TAFA5: variants seen among roughly 807,000 people sequenced by gnomAD.
TAFA5 encodes the protein TAFA chemokine like family member 5, also known as chemokine-like protein TAFA-5.
Under a neutral mutation model 15.3 loss-of-function variants are expected in TAFA5, and 6 were observed. That is an observed-to-expected ratio of 0.39 (90% CI 0.21 to 0.77). TAFA5 has a LOEUF of 0.77. TAFA5 is among the 30% of genes least tolerant of loss of function. TAFA5 has a pLI of 0.41. For missense variants in TAFA5, 161 were observed against 193.1 expected (o/e 0.83, Z 0.98); for synonymous variants, 103 against 80.7 (o/e 1.28, Z -1.48).
At chr22:48,536,446 G>A (rs1039868484) in intron 1 of TAFA5, among the ~76,000 whole-genome samples, 1 of 152,226 alleles carries the variant, frequency 6.6e-6, no homozygotes, top group Non-Finnish European at 1.5e-5. Context: ...GGGAGCCGGC[G>A]CGGGTGGGTA....
intron 1 of TAFA5, among the ~76,000 whole-genome samples, chr22:48,634,221 CACTT>C (rs1489935578): frequency 6.6e-6 from 1 of 151,950 alleles, no homozygotes; most frequent in South Asian, 2.1e-4. Context: ...TTGACTAACT[CACTT>C]ATTCACTCAT....
At chr22:48,591,831 C>G (rs1273861717) in intron 1 of TAFA5, among the ~76,000 whole-genome samples, 1 of 152,166 alleles carries the variant, frequency 6.6e-6, no homozygotes, top group Non-Finnish European at 1.5e-5. Flanking sequence ...AGCTAGGGTC[C>G]AGCCCCTCCC....
At chr22:48,577,018 A>G (rs2147142642) in intron 1 of TAFA5, among the ~76,000 whole-genome samples, 1 of 152,068 alleles carries the variant, frequency 6.6e-6, no homozygotes, top group Middle Eastern at 3.4e-3. Flanking sequence ...CCGGGCTGGG[A>G]CCCGCGGACG....
chr22:48,545,242 A>C, intron 1 of TAFA5: 1 of 268,172 alleles, frequency 3.7e-6, no homozygotes, highest in East Asian at 8.6e-5. Flanking sequence ...CCATGCTGCC[A>C]TTTGGCGTAA....
At chr22:48,729,981 T>G (rs1929824139) in intron 3 of TAFA5, among the ~76,000 whole-genome samples, 1 of 152,116 alleles carries the variant, frequency 6.6e-6, no homozygotes, top group Non-Finnish European at 1.5e-5. Context: ...CAGCCGCCTC[T>G]GGGGATCCGT....
At chr22:48,707,087 T>C (rs1389323853) in intron 2 of TAFA5, among the ~76,000 whole-genome samples, 3 of 152,066 alleles carry the variant, frequency 2.0e-5, no homozygotes, top group Admixed American at 6.5e-5. Context: ...TCACAAGGAC[T>C]CACATCCTTT....
At chr22:48,674,664 G>T (rs192445592) in intron 2 of TAFA5, among the ~76,000 whole-genome samples, 69 of 147,270 alleles carry the variant, frequency 4.7e-4, no homozygotes, top group African/African-American at 1.6e-3. Flanking sequence ...GGCAGGGACA[G>T]TGGGAGGTCC....
At chr22:48,707,903 C>T in intron 3 of TAFA5, 59 bp downstream of exon 3, 1 of 1,569,316 alleles carries the variant, frequency 6.4e-7, no homozygotes, top group African/African-American at 1.3e-5. Flanking sequence ...GTGTGCGGGC[C>T]TCCGACGCCA....
At position 48,649,278 on chromosome 22, in the gene TAFA5, G is replaced by C. The variant is rs75239445; in HGVS notation, c.262+2532G>C. ...AGGTGGCCTTCCAGCTGAGCCACCT[G>C]TCTATCTTCCCTAGACCTAGCAGCC... is the stretch of plus-strand genomic sequence containing the variant. On this transcript the variant is annotated intron_variant, in intron 2 of 3. Transcript: ENST00000402357. 8.3e-3 allele frequency among the ~76,000 whole-genome samples: 1,268 copies of C among 152,282 alleles called. 15 individuals carry two copies. Among genetic ancestry groups the C allele is most frequent in the African/African-American group, 0.029 (1,196 of 41,556 alleles).
intron 2 of TAFA5, among the ~76,000 whole-genome samples, chr22:48,678,374 T>A (rs132218): frequency 2.0e-5 from 3 of 152,174 alleles, no homozygotes; most frequent in African/African-American, 4.8e-5. Flanking sequence ...ACTGACCCTA[T>A]GCGGGGCAAA....
At chr22:48,703,184 G>A (rs777054221) in intron 2 of TAFA5, among the ~76,000 whole-genome samples, 11 of 151,004 alleles carry the variant, frequency 7.3e-5, no homozygotes, top group Non-Finnish European at 1.0e-4. Flanking sequence ...ATGCCTTTGC[G>A]TGTGGTGTGT....
At chr22:48,633,510 CTGTCTGTCTGTCTGTCTG>C (rs1398070951) in intron 1 of TAFA5, among the ~76,000 whole-genome samples, 19 of 73,450 alleles carry the variant, frequency 2.6e-4, no homozygotes, top group African/African-American at 8.7e-4. Flanking sequence ...GTCTGTCTGT[CTGTCTGTCTGTCTGTCTG>C]TCTGTCTCTC....
chr22:48,660,335 C>T (rs529409277), intron 2 of TAFA5, among the ~76,000 whole-genome samples: 107 of 152,146 alleles, frequency 7.0e-4, no homozygotes, highest in African/African-American at 2.5e-3. Flanking sequence ...GGATGTGGCT[C>T]GGACTCTTTG....
At chr22:48,708,039 G>A (rs548906988) in intron 3 of TAFA5, among the ~76,000 whole-genome samples, 195 bp downstream of exon 3, 4 of 151,860 alleles carry the variant, frequency 2.6e-5, no homozygotes, top group East Asian at 3.9e-4. Context: ...TGGGGCAGAC[G>A]GTCTGTGAGT....
At chr22:48,698,410 G>A (rs1282176593) in intron 2 of TAFA5, among the ~76,000 whole-genome samples, 2 of 151,154 alleles carry the variant, frequency 1.3e-5, no homozygotes, top group African/African-American at 2.4e-5. Flanking sequence ...TGGTGATGGT[G>A]ATAATGATGG....
chr22:48,701,997 G>T (rs1224500435), intron 2 of TAFA5, among the ~76,000 whole-genome samples: 1 of 152,182 alleles, frequency 6.6e-6, no homozygotes, highest in Admixed American at 6.5e-5. Context: ...ACACAGAGGG[G>T]ACCTGGGGTG....
rs772539253 is a variant in TAFA5, at chr22:48,500,472, G to A, written c.112+10768G>A. Among the ~76,000 whole-genome samples, 16 of 152,334 alleles carry A rather than the reference G, an allele frequency of 1.1e-4. No individual in the cohort carries two copies. The South Asian group carries it at 1.2e-3, about 12-fold the overall frequency. On this transcript the variant is annotated intron_variant, in intron 1 of 3. Coordinates refer to ENST00000402357, the MANE Select transcript of TAFA5 (RefSeq NM_001082967.3). Reference sequence around the variant, plus strand: ...TGGAGCAAAGTGAGCTTGCACAGACGGGTGACCAGGTGTCCCTGAGCACAC... The same window carrying A: ...TGGAGCAAAGTGAGCTTGCACAGACAGGTGACCAGGTGTCCCTGAGCACAC...
intron 3 of TAFA5, among the ~76,000 whole-genome samples, chr22:48,724,418 G>C (rs751598673): frequency 8.5e-5 from 13 of 152,304 alleles, no homozygotes; most frequent in Non-Finnish European, 1.8e-4. Context: ...CACTCACAGA[G>C]AGAATGAGCT....
chr22:48,747,112 G>T (rs148187201), intron 3 of TAFA5, among the ~76,000 whole-genome samples: 54 of 152,240 alleles, frequency 3.5e-4, no homozygotes, highest in African/African-American at 1.3e-3. Flanking sequence ...CACCATTCCC[G>T]CCCGGCCCTG....
Sources: gnomAD v4.1 joint callset for allele counts (sites outside exome capture counted in the v4.1 genomes callset) on GRCh38, gnomAD v4.1.1 for gene constraint, MANE v1.5 for transcripts, NCBI Gene and HGNC (gene_info 2026-07-23, HGNC 2026-07-21) for gene names.